The following KLF15 variants were observed in gnomAD, a reference collection of about 807,000 sequenced individuals.
The protein encoded by KLF15 is KLF transcription factor 15.
KLF15 carries 4 observed loss-of-function variants against 24.6 expected under a neutral mutation model. The observed-to-expected ratio is 0.16, with a 90% CI of 0.08 to 0.37. The LOEUF (loss-of-function observed/expected upper bound fraction) is 0.37. Ranked by LOEUF, KLF15 falls within the 10% of genes least tolerant of loss-of-function variation. KLF15 has a pLI of 1.00. For missense variants in KLF15, 496 were observed against 560.6 expected (o/e 0.88, Z 1.16); for synonymous variants, 246 against 236.3 (o/e 1.04, Z -0.37).
At chr3:126,315,218 C>T in the KLF15 span, among the ~76,000 whole-genome samples, 2 of 152,202 alleles carry the variant, frequency 1.3e-5, no homozygotes, top group African/African-American at 4.8e-5. Context: ...GAGACCCACC[C>T]TACTCCAGTG....
At chr3:126,318,506 G>A in the KLF15 span, among the ~76,000 whole-genome samples, 1 of 152,098 alleles carries the variant, frequency 6.6e-6, no homozygotes, top group South Asian at 2.1e-4. Flanking sequence ...CTGACCTAAG[G>A]GGAAGGGTGA....
rs568539026 is a variant in KLF15 at position 126,357,032 on chromosome 3, C to G, written c.-26+205G>C. Reference sequence around the variant, plus strand: ...GCAAAGTGCTGGTGGGCGACCGGGGCGGGGGGGGTCACCTCCCCCGGGCCA... The same window carrying G: ...GCAAAGTGCTGGTGGGCGACCGGGGGGGGGGGGGTCACCTCCCCCGGGCCA... On this transcript the variant is annotated intron_variant, in intron 1 of 2. Coordinates refer to ENST00000296233, the MANE Select transcript of KLF15 (RefSeq NM_014079.4). Among the ~76,000 whole-genome samples, 1,053 of 146,974 alleles carry G rather than the reference C, an allele frequency of 7.2e-3. 22 individuals carry two copies. Among genetic ancestry groups the G allele is most frequent in the African/African-American group, 0.025 (945 of 37,668 alleles).
At chr3:126,302,202 T>C in the KLF15 span, among the ~76,000 whole-genome samples, 1 of 152,230 alleles carries the variant, frequency 6.6e-6, no homozygotes, top group East Asian at 1.9e-4. Context: ...TATCTTTTAG[T>C]TATTGATTTC....
rs1482429319 is a variant in KLF15, at chr3:126,343,709, C to G, written c.*18G>C. On this transcript the variant is annotated 3_prime_UTR_variant, in exon 3 of 3. Transcript: ENST00000296233. ...GTGGGGATCCGGGGTGACGGACAGGCTGGGGTTCAGGGCGCTTTCAGTTCA... is the reference window on the plus strand; with the variant it reads ...GTGGGGATCCGGGGTGACGGACAGGGTGGGGTTCAGGGCGCTTTCAGTTCA... 6.2e-7 allele frequency: 1 copy of G among 1,604,946 alleles called. No individual in the cohort carries two copies. Among genetic ancestry groups the G allele is most frequent in the South Asian group, 1.1e-5 (1 of 89,828 alleles).
chr3:126,306,436 C>A, the KLF15 span, among the ~76,000 whole-genome samples: 1 of 152,156 alleles, frequency 6.6e-6, no homozygotes, highest in Non-Finnish European at 1.5e-5. Context: ...AATGCGTAAC[C>A]CAGATGTTGG....
chr3:126,306,468 C>A, the KLF15 span, among the ~76,000 whole-genome samples: 8 of 152,202 alleles, frequency 5.3e-5, no homozygotes, highest in Admixed American at 2.6e-4. Flanking sequence ...TCACTCCATG[C>A]CTTGAAGAAG....
At chr3:126,296,957 T>C in the KLF15 span, among the ~76,000 whole-genome samples, 1,800 of 152,312 alleles carry the variant, frequency 0.012, 42 homozygotes, top group African/African-American at 0.042. Context: ...TTTTGTTTTT[T>C]AGATGCAGGG....
At chr3:126,299,657 G>C in the KLF15 span, among the ~76,000 whole-genome samples, 1 of 149,564 alleles carries the variant, frequency 6.7e-6, no homozygotes, top group Non-Finnish European at 1.5e-5. Context: ...GCTGAGGCAG[G>C]AGAATGGCAT....
the KLF15 span, among the ~76,000 whole-genome samples, chr3:126,334,712 T>C: frequency 2.2e-4 from 1 of 4,510 alleles, no homozygotes; most frequent in East Asian, 4.3e-3. Flanking sequence ...AAGAATCAAA[T>C]AGACACAATA....
At chr3:126,300,130 C>T in the KLF15 span, among the ~76,000 whole-genome samples, 1 of 152,052 alleles carries the variant, frequency 6.6e-6, no homozygotes, top group Admixed American at 6.6e-5. Flanking sequence ...CTCTGGGGAC[C>T]CGGGGACTTC....
At chr3:126,323,599 C>T in the KLF15 span, among the ~76,000 whole-genome samples, 2 of 147,192 alleles carry the variant, frequency 1.4e-5, no homozygotes, top group East Asian at 2.0e-4. Flanking sequence ...CATAGCTATA[C>T]GTGTGCCATG....
At chr3:126,330,131 C>A in the KLF15 span, among the ~76,000 whole-genome samples, 1 of 152,210 alleles carries the variant, frequency 6.6e-6, no homozygotes, top group Admixed American at 6.5e-5. Context: ...CCCAGCTGGC[C>A]TGCTGGCCCA....
At chr3:126,311,656 A>G in the KLF15 span, among the ~76,000 whole-genome samples, 6 of 152,322 alleles carry the variant, frequency 3.9e-5, no homozygotes, top group Non-Finnish European at 5.9e-5. Flanking sequence ...TTTCCTTCCC[A>G]GGCTGAGGAC....
chr3:126,355,798 C>G (rs1485618157), intron 1 of KLF15, among the ~76,000 whole-genome samples: 1 of 152,208 alleles, frequency 6.6e-6, no homozygotes, highest in African/African-American at 2.4e-5. Flanking sequence ...CCAACAGGGT[C>G]TTAATGCTGG....
At chr3:126,295,944 C>T in the KLF15 span, among the ~76,000 whole-genome samples, 1 of 152,172 alleles carries the variant, frequency 6.6e-6, no homozygotes, top group South Asian at 2.1e-4. Context: ...CCTAGTCTGG[C>T]TCCTGGTTGT....
chr3:126,339,573 C>A (rs1006048296), downstream of KLF15, among the ~76,000 whole-genome samples: 1 of 152,156 alleles, frequency 6.6e-6, no homozygotes, highest in Admixed American at 6.5e-5. Context: ...GAAGTGGGAC[C>A]TACTCAGACA....
chr3:126,324,819 T>TTA, the KLF15 span, among the ~76,000 whole-genome samples: 1 of 142,454 alleles, frequency 7.0e-6, no homozygotes, highest in Non-Finnish European at 1.5e-5. Context: ...TTTTTTTTTT[T>TTA]TTATTATACT....
At chr3:126,293,068 C>T in the KLF15 span, among the ~76,000 whole-genome samples, 7 of 149,282 alleles carry the variant, frequency 4.7e-5, no homozygotes, top group Non-Finnish European at 8.9e-5. Context: ...CCAGCACTTT[C>T]GGAGGCTGAG....
chr3:126,331,283 C>T, the KLF15 span, among the ~76,000 whole-genome samples: 2 of 152,172 alleles, frequency 1.3e-5, no homozygotes, highest in African/African-American at 4.8e-5. Context: ...ACAGAGCACT[C>T]CAGTGATTAG....
Sources: gnomAD v4.1 joint callset for allele counts (sites outside exome capture counted in the v4.1 genomes callset) on GRCh38, gnomAD v4.1.1 for gene constraint, MANE v1.5 for transcripts, NCBI Gene and HGNC (gene_info 2026-07-23, HGNC 2026-07-21) for gene names.